Variants in APTX observed in about 807,000 individuals in gnomAD.
APTX encodes aprataxin.
APTX carries 33 observed loss-of-function variants against 42.3 expected under a neutral mutation model. The ratio of observed to expected loss-of-function variants is 0.78; its 90% CI spans 0.59 to 1.04. The LOEUF (loss-of-function observed/expected upper bound fraction) is 1.04. APTX is among the 50% of genes least tolerant of loss of function. APTX has a pLI of 0.00. For synonymous variants in APTX, 130 were observed against 146.7 expected, an observed-to-expected ratio of 0.89 and a Z score of 0.82; for missense variants, 421 against 415.1, an observed-to-expected ratio of 1.01 and a Z score of -0.12.
At chr9:33,020,013 C>A in intron 1 of APTX, 1 of 404,644 alleles carries the variant, frequency 2.5e-6, no homozygotes, top group Non-Finnish European at 4.5e-6. Context: ...CTGACACGTG[C>A]GGTGGGGGAG....
intron 1 of APTX, among the ~76,000 whole-genome samples, chr9:32,992,447 G>T (rs1276335324): frequency 6.6e-6 from 1 of 152,200 alleles, no homozygotes; most frequent in Non-Finnish European, 1.5e-5. Context: ...GAGCCAAGGG[G>T]ACTGATAAAG....
chr9:32,984,994 A>C (rs1387333957), intron 5 of APTX, 137 bp from the exon 6 acceptor site: 4 of 780,216 alleles, frequency 5.1e-6, no homozygotes, highest in Non-Finnish European at 6.5e-6. Flanking sequence ...GAGAGAGGAG[A>C]GCACTGAAAT....
At chr9:32,986,839 C>T (rs1398350711) in intron 4 of APTX, among the ~76,000 whole-genome samples, 1 of 150,320 alleles carries the variant, frequency 6.7e-6, no homozygotes, top group Non-Finnish European at 1.5e-5. Flanking sequence ...GATGGAGTCT[C>T]GCTCTGTCGC....
chr9:32,986,046 A>C lies in APTX; in HGVS notation c.484-16T>G, dbSNP rs1831976846. On this transcript the variant is annotated splice_polypyrimidine_tract_variant and intron_variant, in intron 4 of 7. Transcript: ENST00000379817. ...CCAGGGATTCCTAAAAAAAAAACAA[A>C]AAAAAAAACAAAAAAAAAAAAAAAC... 2 of 652,484 alleles carry C rather than the reference A, an allele frequency of 3.1e-6. No individual in the cohort carries two copies. The highest frequency in any genetic ancestry group is 2.7e-5 in the African/African-American group (1 of 37,196). 40.4% of individuals were successfully genotyped at this position (652,484 alleles called of 1,614,324 possible). A position where few individuals can be genotyped will look rare whatever the true frequency, so the allele number is the denominator to read the frequency against.
intron 1 of APTX, among the ~76,000 whole-genome samples, chr9:33,006,844 C>CA (rs780822802): frequency 2.6e-4 from 39 of 151,288 alleles, no homozygotes; most frequent in Non-Finnish European, 3.7e-4. Context: ...ACTAAAAATA[C>CA]AAAAAATTAG....
intron 1 of APTX, among the ~76,000 whole-genome samples, chr9:33,018,349 C>T (rs952649243): frequency 6.6e-6 from 1 of 151,850 alleles, no homozygotes; most frequent in African/African-American, 2.4e-5. Context: ...GGGCGGATCA[C>T]CTGAGGTCAG....
intron 1 of APTX, among the ~76,000 whole-genome samples, chr9:33,023,664 G>C (rs556053962): frequency 4.7e-4 from 71 of 152,366 alleles, no homozygotes; most frequent in South Asian, 8.3e-4. Flanking sequence ...AAAAAATCAG[G>C]TGTCTGTCAG....
At chr9:33,014,011 C>T (rs954072026) in intron 1 of APTX, among the ~76,000 whole-genome samples, 2 of 152,194 alleles carry the variant, frequency 1.3e-5, no homozygotes, top group African/African-American at 4.8e-5. Context: ...AATATCCCAA[C>T]AGGAGTGTAA....
At chr9:33,022,186 A>G (rs1838438932) in intron 1 of APTX, among the ~76,000 whole-genome samples, 1 of 152,204 alleles carries the variant, frequency 6.6e-6, no homozygotes, top group Admixed American at 6.5e-5. Context: ...ATACTAAAGA[A>G]AACAATTGTA....
chr9:33,000,831 C>CTTTT (rs374850423), intron 1 of APTX, among the ~76,000 whole-genome samples: 12 of 123,444 alleles, frequency 9.7e-5, no homozygotes, highest in South Asian at 2.6e-4. Flanking sequence ...TGGGGAAAGG[C>CTTTT]TTTTTTTTTT....
intron 1 of APTX, among the ~76,000 whole-genome samples, chr9:33,015,133 G>A (rs1224024047): frequency 6.6e-6 from 1 of 152,008 alleles, no homozygotes; most frequent in Non-Finnish European, 1.5e-5. Flanking sequence ...TTAATGTATG[G>A]CATCTTGGGG....
At chr9:33,001,655 A>C, upstream of APTX, 4 of 1,610,170 alleles carry the variant, frequency 2.5e-6, no homozygotes, top group South Asian at 1.1e-5. Flanking sequence ...GGCCGGCTGT[A>C]TCGCGACCAG....
At chr9:33,006,670 A>G (rs1331219757) in intron 1 of APTX, among the ~76,000 whole-genome samples, 1 of 152,104 alleles carries the variant, frequency 6.6e-6, no homozygotes, top group Non-Finnish European at 1.5e-5. Context: ...TTCTCCAGAG[A>G]AACAGTAGAG....
intron 1 of APTX, 28 bp from the exon 2 acceptor site, chr9:32,989,923 GAA>G (rs1833158793): frequency 6.2e-7 from 1 of 1,607,924 alleles, no homozygotes; most frequent in Admixed American, 1.7e-5. Context: ...AGAATCACTA[GAA>G]AAACAGATCC....
chr9:33,022,883 C>T (rs531471431), intron 1 of APTX, among the ~76,000 whole-genome samples: 1 of 152,206 alleles, frequency 6.6e-6, no homozygotes, highest in African/African-American at 2.4e-5. Context: ...GCTCTGTCGT[C>T]CAGGCTGAGG....
chr9:32,975,411 T>G (rs1829138973), intron 6 of APTX, among the ~76,000 whole-genome samples: 1 of 152,176 alleles, frequency 6.6e-6, no homozygotes, highest in Non-Finnish European at 1.5e-5. Flanking sequence ...TTCATTCTTT[T>G]GAAAATGCAA....
chr9:32,972,781 T>G lies in APTX; in HGVS notation c.*717A>C, dbSNP rs1361049980. 1 of 454,138 alleles carries G rather than the reference T, an allele frequency of 2.2e-6. No individual in the cohort carries two copies. The highest frequency in any genetic ancestry group is 2.0e-5 in the African/African-American group (1 of 50,132). 28.1% of individuals were successfully genotyped at this position (454,138 alleles called of 1,614,324 possible). On this transcript the variant is annotated 3_prime_UTR_variant, in exon 8 of 8. Coordinates refer to ENST00000379817, the MANE Select transcript of APTX (RefSeq NM_001195248.2). ...AGATGCCTCAAACAAATTAACTTTATTTTCAGACAACAGGTCCAAGAAGAC... is the reference window on the plus strand; with the variant it reads ...AGATGCCTCAAACAAATTAACTTTAGTTTCAGACAACAGGTCCAAGAAGAC...
chr9:33,016,690 A>AT (rs1267524721), intron 1 of APTX, among the ~76,000 whole-genome samples: 3 of 150,648 alleles, frequency 2.0e-5, no homozygotes, highest in African/African-American at 7.3e-5. Context: ...TTTTTTTAGA[A>AT]TTAAAAAAAG....
intron 2 of APTX, among the ~76,000 whole-genome samples, chr9:32,988,386 C>A (rs1304920478): frequency 6.6e-6 from 1 of 152,200 alleles, no homozygotes; most frequent in Non-Finnish European, 1.5e-5. Flanking sequence ...CCCTATGAGG[C>A]AGCTTCAATT....
Sources: gnomAD v4.1 joint callset for allele counts (sites outside exome capture counted in the v4.1 genomes callset) on GRCh38, gnomAD v4.1.1 for gene constraint, MANE v1.5 for transcripts, NCBI Gene and HGNC (gene_info 2026-07-23, HGNC 2026-07-21) for gene names.